GALR1: variants seen among roughly 807,000 people sequenced by gnomAD.
GALR1 encodes galanin receptor type 1.
In GALR1, 11 loss-of-function variants were observed where a neutral mutation model predicts 17.9. The ratio of observed to expected loss-of-function variants is 0.62; its 90% CI spans 0.39 to 1.02. The LOEUF (loss-of-function observed/expected upper bound fraction) is 1.02, where lower values mean the gene tolerates loss of function less well. Ranked by LOEUF, GALR1 falls within the 50% of genes least tolerant of loss-of-function variation. The pLI is 0.01. For synonymous variants in GALR1, 206 were observed against 205.7 expected, an observed-to-expected ratio of 1.00 and a Z score of -0.01; for missense variants, 441 against 456.9, an observed-to-expected ratio of 0.97 and a Z score of 0.32.
intron 2 of GALR1, 43 bp from the exon 3 acceptor site, chr18:77,268,542 G>A (rs547295816): frequency 2.3e-6 from 3 of 1,329,786 alleles, no homozygotes; most frequent in Non-Finnish European, 3.2e-6. Flanking sequence ...CTCCCTTACC[G>A]CCTCCTCCTC....
rs1159485159 is a variant in GALR1 at position 77,269,212 on chromosome 18, TC to T, written c.*311del. 3 of 219,138 alleles carry T rather than the reference TC, an allele frequency of 1.4e-5. No homozygotes were observed. Among genetic ancestry groups the T allele is most frequent in the Non-Finnish European group, 2.7e-5 (3 of 111,800 alleles). The allele number at this position is 219,138 out of a possible 1,614,324, so 13.6% of individuals were successfully genotyped here. ...ATATTCCATATATATGTTCAACTCT[TC>T]ATAGATTGTGAACTGGCCCATCAAT... On this transcript the variant is annotated 3_prime_UTR_variant, in exon 3 of 3. Transcript: ENST00000299727.
rs1023728168 is a variant in GALR1 at position 77,249,898 on chromosome 18, C to A, written c.-651C>A. Among the ~76,000 whole-genome samples the A allele has an allele frequency of 6.6e-6, 1 of 152,248 alleles. No homozygotes were observed. Among genetic ancestry groups the A allele is most frequent in the Non-Finnish European group, 1.5e-5 (1 of 68,038 alleles). On this transcript the variant is annotated 5_prime_UTR_variant, in exon 1 of 3. Transcript: ENST00000299727. ...GAAGCCCCTGGCACCCGACTCTATCCACCACCAGGAAGCCTCCCAAAAGAG... is the reference window on the plus strand; with the variant it reads ...GAAGCCCCTGGCACCCGACTCTATCAACCACCAGGAAGCCTCCCAAAAGAG...
chr18:77,252,103 C>T (rs1912432158), intron 1 of GALR1, among the ~76,000 whole-genome samples: 1 of 152,212 alleles, frequency 6.6e-6, no homozygotes, highest in Non-Finnish European at 1.5e-5. Flanking sequence ...TAGTTTTTCC[C>T]TTTGTACAGC....
chr18:77,258,434 A>C (rs1294934369), intron 2 of GALR1, among the ~76,000 whole-genome samples: 1 of 151,714 alleles, frequency 6.6e-6, no homozygotes, highest in African/African-American at 2.4e-5. Flanking sequence ...AGAATAAATA[A>C]ATGTGGTGGT....
chr18:77,277,759 A>G lies in GALR1; in HGVS notation c.*8857A>G, dbSNP rs1913184445. On this transcript the variant is annotated 3_prime_UTR_variant, in exon 3 of 3. Coordinates refer to ENST00000299727, the MANE Select transcript of GALR1 (RefSeq NM_001480.4). The stretch of plus-strand genomic sequence containing the variant: ...GTAAGCTGACAAAGCCAAAAGCCAA[A>G]AACTAAGAGTTTGTATTAATCCAGT... 6.6e-6 allele frequency: 1 copy of G among 152,196 alleles called. No individual in the cohort carries two copies. The highest frequency in any genetic ancestry group is 1.5e-5 in the Non-Finnish European group (1 of 68,032). 9.4% of individuals were successfully genotyped at this position (152,196 alleles called of 1,614,324 possible).
At chr18:77,252,881 TCACCACCACCACCATCACCACCACCAC>T (rs1912461590) in intron 1 of GALR1, among the ~76,000 whole-genome samples, 3 of 55,304 alleles carry the variant, frequency 5.4e-5, no homozygotes, top group African/African-American at 1.4e-4. Context: ...ACCACCACCA[TCACCACCACCACCATCACCACCACCAC>T]CACCACCACC....
In GALR1 at chr18:77,268,876, C is replaced by T. The variant is rs936533743; in HGVS notation, c.1024C>T (p.Pro342Ser). The T allele has an allele frequency of 3.1e-6, 5 of 1,612,564 alleles. No homozygotes were observed. The highest frequency in any genetic ancestry group is 4.5e-5 in the East Asian group (2 of 44,878). Residue 342 changes from proline (P) to serine (S), a missense_variant, in exon 3 of 3, where the codon CCA becomes TCA. Physicochemically the swap from Pro to Ser is moderately conservative, Grantham distance 74 (BLOSUM62 -1). Coordinates refer to ENST00000299727, the MANE Select transcript of GALR1 (RefSeq NM_001480.4). ...KESKSRIDTP[P>S]STNCTHV Reference sequence around the variant, plus strand: ...AAGTAAAAGTCGAATAGACACCCCACCATCAACCAATTGTACTCATGTGTG... The same window carrying T: ...AAGTAAAAGTCGAATAGACACCCCATCATCAACCAATTGTACTCATGTGTG...
At chr18:77,261,164 A>G (rs1315226608) in intron 2 of GALR1, among the ~76,000 whole-genome samples, 1 of 152,212 alleles carries the variant, frequency 6.6e-6, no homozygotes, top group Non-Finnish European at 1.5e-5. Flanking sequence ...ATTTTTTCAG[A>G]TACTTTCAGC....
chr18:77,267,919 C>T (rs967964128), intron 2 of GALR1, among the ~76,000 whole-genome samples: 1 of 152,198 alleles, frequency 6.6e-6, no homozygotes, highest in South Asian at 2.1e-4. Context: ...ATGACTTCCT[C>T]CTACCATTTG....
intron 2 of GALR1, among the ~76,000 whole-genome samples, chr18:77,263,598 C>A (rs1373761250): frequency 6.6e-6 from 1 of 152,182 alleles, no homozygotes; most frequent in Non-Finnish European, 1.5e-5. Context: ...GCTTAACTCT[C>A]ATCTCCTGTC....
At chr18:77,252,935 C>CCACCACCACCACCACCAT (rs1912480765) in intron 1 of GALR1, among the ~76,000 whole-genome samples, 1 of 45,730 alleles carries the variant, frequency 2.2e-5, no homozygotes, top group Non-Finnish European at 5.4e-5. Context: ...ACCACCACCA[C>CCACCACCACCACCACCAT]CACCACCACC....
chr18:77,251,069 A>T lies in GALR1; in HGVS notation c.521A>T (p.Gln174Leu). ...IAMASPVAYH[Q>L]GLFHPRASNQ... ...ATGGCCTCGCCCGTGGCCTACCACC[A>T]GGGCCTCTTCCACCCGCGCGCCAGC... The change falls in exon 1 of 3, where the codon CAG (glutamine) becomes CTG (leucine). Residue 174 changes from glutamine to leucine, a missense_variant. Transcript: ENST00000299727. The T allele has an allele frequency of 6.2e-7, 1 of 1,609,390 alleles. No individual in the cohort carries two copies. The highest frequency in any genetic ancestry group is 8.5e-7 in the Non-Finnish European group (1 of 1,179,874).
rs1390458048 is a variant in GALR1 at position 77,269,484 on chromosome 18, C to T, written c.*582C>T. The T allele has an allele frequency of 1.3e-5, 2 of 152,522 alleles. No homozygotes were observed. The highest frequency in any genetic ancestry group is 4.8e-5 in the African/African-American group (2 of 41,456). 9.4% of individuals were successfully genotyped at this position (152,522 alleles called of 1,614,324 possible). A position where few individuals can be genotyped will look rare whatever the true frequency, so the allele number is the denominator to read the frequency against. ...TTCCAATTGTAGCTAGCGCACAGAGCTTTGGAAGCCTGTCATTATGAGATA... is the reference window on the plus strand; with the variant it reads ...TTCCAATTGTAGCTAGCGCACAGAGTTTTGGAAGCCTGTCATTATGAGATA... On this transcript the variant is annotated 3_prime_UTR_variant, in exon 3 of 3. Transcript: ENST00000299727.
intron 1 of GALR1, among the ~76,000 whole-genome samples, 184 bp downstream of exon 1, chr18:77,251,398 C>T (rs578062017): frequency 3.7e-4 from 56 of 152,356 alleles, no homozygotes; most frequent in South Asian, 2.5e-3. Flanking sequence ...TGGAGCGTGC[C>T]ATTGGCTTGC....
Position 77,250,768 on chromosome 18 carries a change from A to T in GALR1, c.220A>T (p.Ile74Phe), listed in dbSNP as rs758567691. ...GCCGCGGAGCACCACCAACCTGTTC[A>T]TCCTCAACCTGAGCATCGCCGACCT... ...GKPRSTTNLF[I>F]LNLSIADLAY... Residue 74 changes from isoleucine to phenylalanine, a missense_variant, in exon 1 of 3, where the codon ATC becomes TTC. Physicochemically the swap from Ile to Phe is conservative, Grantham distance 21. Transcript: ENST00000299727. The T allele has an allele frequency of 1.2e-6, 2 of 1,613,994 alleles. No homozygotes were observed. The highest frequency in any genetic ancestry group is 2.2e-5 in the South Asian group (2 of 91,082).
Position 77,276,172 on chromosome 18 carries a change from C to T in GALR1, c.*7270C>T, listed in dbSNP as rs1312913583. 6.6e-6 allele frequency: 1 copy of T among 152,050 alleles called. No individual in the cohort carries two copies. Among genetic ancestry groups the T allele is most frequent in the Non-Finnish European group, 1.5e-5 (1 of 67,990 alleles). 9.4% of individuals were successfully genotyped at this position (152,050 alleles called of 1,614,324 possible). A position where few individuals can be genotyped will look rare whatever the true frequency, so the allele number is the denominator to read the frequency against. On this transcript the variant is annotated 3_prime_UTR_variant, in exon 3 of 3. Transcript: ENST00000299727. Reference sequence around the variant, plus strand: ...AATTTGACAATGAGGTATAGAAATCCAAAATTTTCTTGGGTACAATTGAAC... The same window carrying T: ...AATTTGACAATGAGGTATAGAAATCTAAAATTTTCTTGGGTACAATTGAAC...
chr18:77,252,348 C>A (rs1459276615), intron 1 of GALR1, among the ~76,000 whole-genome samples: 2 of 152,254 alleles, frequency 1.3e-5, no homozygotes, highest in Admixed American at 6.5e-5. Flanking sequence ...CACCCGACTT[C>A]ACCGCTGTCT....
At chr18:77,255,776 C>T (rs929623648) in intron 1 of GALR1, among the ~76,000 whole-genome samples, 2 of 152,128 alleles carry the variant, frequency 1.3e-5, no homozygotes, top group Admixed American at 6.5e-5. Context: ...GTAGCAGGGA[C>T]CTGGTGTTTA....
At chr18:77,252,742 G>C (rs1015078681) in intron 1 of GALR1, among the ~76,000 whole-genome samples, 1 of 151,746 alleles carries the variant, frequency 6.6e-6, no homozygotes, top group African/African-American at 2.4e-5. Flanking sequence ...CAGCTACTCC[G>C]GAGGCTGAGA....
Sources: allele counts gnomAD v4.1 joint callset (sites outside exome capture counted in the v4.1 genomes callset), GRCh38; gene constraint gnomAD v4.1.1; transcripts MANE v1.5; gene names NCBI Gene and HGNC (gene_info 2026-07-23, HGNC 2026-07-21).